Variants in TENM1 observed in about 807,000 individuals in gnomAD.
TENM1 encodes the protein teneurin transmembrane protein 1.
A neutral mutation model predicts 174.8 loss-of-function variants in TENM1; 35 were observed. The observed-to-expected ratio is 0.20, with a 90% CI of 0.15 to 0.27. The LOEUF (loss-of-function observed/expected upper bound fraction) is 0.27, where lower values mean the gene tolerates loss of function less well. Among genes scored for constraint, TENM1 ranks in the 10% least tolerant of loss-of-function variants. The pLI is 1.00. For synonymous variants in TENM1, 781 were observed against 798.7 expected, an observed-to-expected ratio of 0.98 and a Z score of 0.37; for missense variants, 1,633 against 2,130.1, an observed-to-expected ratio of 0.77 and a Z score of 4.59.
chrX:124,679,592 A>G (rs1450459701), intron 5 of TENM1, among the ~76,000 whole-genome samples: 2 of 112,140 alleles, frequency 1.8e-5, no homozygotes, highest in Non-Finnish European at 3.8e-5. Context: ...TTATCTTCCC[A>G]TCTTAAAATA....
intron 27 of TENM1, among the ~76,000 whole-genome samples, chrX:124,403,000 A>G (rs749716423): frequency 1.6e-4 from 18 of 111,830 alleles, no homozygotes; most frequent in Admixed American, 2.8e-4. Flanking sequence ...CTTTACTGCT[A>G]CCCACACATT....
chrX:124,757,089 C>T (rs976343244), intron 3 of TENM1, among the ~76,000 whole-genome samples: 3 of 112,517 alleles, frequency 2.7e-5, no homozygotes, highest in Non-Finnish European at 5.6e-5. Flanking sequence ...GTGTCCTGCC[C>T]CCAGAGGTGG....
intron 11 of TENM1, among the ~76,000 whole-genome samples, chrX:124,568,991 C>T (rs566599444): frequency 1.8e-5 from 2 of 111,401 alleles, no homozygotes; most frequent in Middle Eastern, 4.6e-3. Flanking sequence ...GTCACTTGAG[C>T]GCAGGAGTTT....
chrX:124,414,456 G>A (rs996396527), intron 25 of TENM1, among the ~76,000 whole-genome samples: 2 of 110,923 alleles, frequency 1.8e-5, no homozygotes, highest in Non-Finnish European at 3.8e-5. Context: ...CTCAGCTGCT[G>A]CGGGGTTATT....
exon 32 of TENM1, chrX:124,380,940 C>A (rs760070626): frequency 1.7e-6 from 2 of 1,211,667 alleles, no homozygotes; most frequent in Non-Finnish European, 2.2e-6. Context: ...CGCCTCCCCC[C>A]AGTGTTACCG....
At chrX:125,161,183 A>G in the TENM1 span, among the ~76,000 whole-genome samples, 3 of 110,749 alleles carry the variant, frequency 2.7e-5, no homozygotes, top group East Asian at 8.5e-4. Flanking sequence ...TGCTTCAAAC[A>G]CCAAAATCTG....
At chrX:124,577,568 T>C (rs1234808519) in intron 11 of TENM1, among the ~76,000 whole-genome samples, 1 of 112,218 alleles carries the variant, frequency 8.9e-6, no homozygotes, top group Non-Finnish European at 1.9e-5. Flanking sequence ...TGGTTATTAG[T>C]GTCATCTGAA....
chrX:125,100,697 T>C, the TENM1 span, among the ~76,000 whole-genome samples: 1 of 112,147 alleles, frequency 8.9e-6, no homozygotes, highest in Non-Finnish European at 1.9e-5. Flanking sequence ...AGTCTAGCAG[T>C]TAGCATTATG....
intron 4 of TENM1, among the ~76,000 whole-genome samples, chrX:124,729,991 T>C (rs1397213679): frequency 9.0e-6 from 1 of 111,266 alleles, no homozygotes; most frequent in East Asian, 2.8e-4. Flanking sequence ...TGACTCAGCC[T>C]CCTGAGTAGC....
At chrX:124,551,665 G>A (rs2048577122) in intron 14 of TENM1, among the ~76,000 whole-genome samples, 1 of 111,347 alleles carries the variant, frequency 9.0e-6, no homozygotes, top group African/African-American at 3.3e-5. Flanking sequence ...ATACATATGT[G>A]TAAACTGACC....
intron 3 of TENM1, among the ~76,000 whole-genome samples, chrX:124,821,249 C>T (rs1258941142): frequency 9.0e-6 from 1 of 111,707 alleles, no homozygotes; most frequent in African/African-American, 3.3e-5. Flanking sequence ...GTGGCTTGTC[C>T]TTCCATTTCT....
the TENM1 span, among the ~76,000 whole-genome samples, chrX:125,159,952 C>T: frequency 1.2e-4 from 13 of 109,983 alleles, no homozygotes; most frequent in Non-Finnish European, 1.9e-4. Context: ...GTAATCCTAG[C>T]GCTTTGGGAG....
the TENM1 span, among the ~76,000 whole-genome samples, chrX:125,051,380 C>T: frequency 0.13 from 14,190 of 108,384 alleles, 875 homozygotes; most frequent in Middle Eastern, 0.24. Flanking sequence ...GAGCCCGCAT[C>T]GCCAAGTCAA....
rs1457979776 is a variant in TENM1 at position 124,406,235 on chromosome X, T to C, written c.5155+82A>G. The C allele has an allele frequency of 3.9e-6, 3 of 771,987 alleles. No individual in the cohort carries two copies. The Admixed American group carries it at 8.7e-5, about 22-fold the overall frequency. 63.6% of individuals were successfully genotyped at this position (771,987 alleles called of 1,213,427 possible). ...TCTTCTCAGCTAGAGGTGAATTCTG[T>C]TTATGAATGGTGTACGCAGGTTTCA... is the stretch of plus-strand genomic sequence containing the variant. On this transcript the variant is annotated intron_variant, in intron 26 of 31. Transcript: ENST00000422452.
At chrX:124,996,840 C>T in the TENM1 span, among the ~76,000 whole-genome samples, 1 of 110,966 alleles carries the variant, frequency 9.0e-6, no homozygotes, top group Non-Finnish European at 1.9e-5. Flanking sequence ...CCATCATAAT[C>T]TTGTTGAAAA....
intron 18 of TENM1, among the ~76,000 whole-genome samples, chrX:124,509,092 AACAC>A (rs1044717528): frequency 4.4e-5 from 4 of 90,368 alleles, no homozygotes; most frequent in South Asian, 1.0e-3. Flanking sequence ...CACACACACA[AACAC>A]ACACACACAC....
the TENM1 span, among the ~76,000 whole-genome samples, chrX:125,195,253 G>A: frequency 1.8e-5 from 2 of 111,899 alleles, no homozygotes; most frequent in Middle Eastern, 4.6e-3. Flanking sequence ...GATCATCAGT[G>A]TAAATGTTAA....
At chrX:125,001,077 GT>G in the TENM1 span, among the ~76,000 whole-genome samples, 103 of 104,660 alleles carry the variant, frequency 9.8e-4, 1 homozygote, top group African/African-American at 3.1e-3. Context: ...GGGTGACCTT[GT>G]TTTTTTTTTA....
At chrX:124,793,243 T>C (rs748522771) in intron 3 of TENM1, among the ~76,000 whole-genome samples, 18 of 111,821 alleles carry the variant, frequency 1.6e-4, no homozygotes, top group Non-Finnish European at 1.7e-4. Flanking sequence ...GTGGTTTCTA[T>C]GATGATCAGT....
Sources: allele counts gnomAD v4.1 joint callset (sites outside exome capture counted in the v4.1 genomes callset), GRCh38; gene constraint gnomAD v4.1.1; transcripts MANE v1.5; gene names NCBI Gene and HGNC (gene_info 2026-07-23, HGNC 2026-07-21).